Variants in GALNT13 observed in about 807,000 individuals in gnomAD.
GALNT13 encodes the protein polypeptide N-acetylgalactosaminyltransferase 13.
A neutral mutation model predicts 64.2 loss-of-function variants in GALNT13; 28 were observed. That is an observed-to-expected ratio of 0.44 (90% CI 0.32 to 0.60). The LOEUF (loss-of-function observed/expected upper bound fraction) is 0.60, where lower values mean the gene tolerates loss of function less well. Ranked by LOEUF, GALNT13 falls within the 20% of genes least tolerant of loss-of-function variation. The pLI is 0.05. For missense variants in GALNT13, 577 were observed against 669.8 expected (o/e 0.86, Z 1.53); for synonymous variants, 214 against 224.6 (o/e 0.95, Z 0.42).
At chr2:153,112,651 T>G in the GALNT13 span, among the ~76,000 whole-genome samples, 1 of 152,102 alleles carries the variant, frequency 6.6e-6, no homozygotes, top group African/African-American at 2.4e-5. Context: ...ACCAGAATTT[T>G]GAAAATTAAA....
chr2:153,257,053 C>G, the GALNT13 span, among the ~76,000 whole-genome samples: 4 of 152,226 alleles, frequency 2.6e-5, no homozygotes, highest in Non-Finnish European at 4.4e-5. Flanking sequence ...CCGCCAGCCT[C>G]GCTGCCGCCT....
rs577806251 is a variant in GALNT13, at chr2:153,982,033, T to G, written c.142+37394T>G. Among the ~76,000 whole-genome samples the G allele has an allele frequency of 1.1e-3, 172 of 152,224 alleles. 1 individual carries two copies. The highest frequency in any genetic ancestry group is 1.9e-3 in the Non-Finnish European group (127 of 68,010). ...TACCACACAAAGAATGCCCCTCTGC[T>G]AGAAACTGAAAGGTAATTTCAGCTT... On this transcript the variant is annotated intron_variant, in intron 3 of 12. Transcript: ENST00000392825.
chr2:153,780,214 G>GATAGAT, the GALNT13 span, among the ~76,000 whole-genome samples: 1 of 128,034 alleles, frequency 7.8e-6, no homozygotes, highest in African/African-American at 3.2e-5. Context: ...AGAATTTGAA[G>GATAGAT]ATATATATAT....
At chr2:154,253,641 T>A (rs573808502) in intron 7 of GALNT13, among the ~76,000 whole-genome samples, 1 of 152,048 alleles carries the variant, frequency 6.6e-6, no homozygotes, top group African/African-American at 2.4e-5. Flanking sequence ...AATAAATAAA[T>A]AAAATACTAT....
chr2:153,183,182 A>C, the GALNT13 span, among the ~76,000 whole-genome samples: 1 of 152,314 alleles, frequency 6.6e-6, no homozygotes, highest in African/African-American at 2.4e-5. Flanking sequence ...GACTGGCATG[A>C]GATGGTATCT....
chr2:153,893,405 G>A (rs1441326876), intron 1 of GALNT13, among the ~76,000 whole-genome samples: 2 of 151,594 alleles, frequency 1.3e-5, no homozygotes, highest in Non-Finnish European at 2.9e-5. Flanking sequence ...TATTTTTTTG[G>A]ATTATAACAT....
the GALNT13 span, among the ~76,000 whole-genome samples, chr2:153,375,246 CT>C: frequency 6.6e-6 from 1 of 152,168 alleles, no homozygotes; most frequent in African/African-American, 2.4e-5. Flanking sequence ...TTTTCCTACA[CT>C]TTTTTATGGC....
the GALNT13 span, among the ~76,000 whole-genome samples, chr2:153,655,284 A>G: frequency 5.9e-5 from 9 of 152,094 alleles, no homozygotes; most frequent in African/African-American, 2.2e-4. Context: ...GAATGTAACA[A>G]TGCTATCAAG....
chr2:153,577,902 TTATA>T, the GALNT13 span, among the ~76,000 whole-genome samples: 1 of 149,008 alleles, frequency 6.7e-6, no homozygotes, highest in South Asian at 2.1e-4. Context: ...GTTTGTGTCT[TTATA>T]TATATATATA....
At chr2:154,099,027 C>T (rs1702215288) in intron 3 of GALNT13, among the ~76,000 whole-genome samples, 1 of 152,090 alleles carries the variant, frequency 6.6e-6, no homozygotes, top group Non-Finnish European at 1.5e-5. Flanking sequence ...TGCCAATTTA[C>T]ATTCCCACCT....
rs12990846 is a variant in GALNT13, at chr2:154,272,391, C to T, written c.975+13253C>T. Among the ~76,000 whole-genome samples, 4 of 151,994 alleles carry T rather than the reference C, an allele frequency of 2.6e-5. No homozygotes were observed. In the East Asian group the frequency reaches 7.7e-4, roughly 29 times the overall value. ...AGTGAATTTCAGTACATTAAGTAAC[C>T]AACACTCTTATTAGAGACCAATGTC... On this transcript the variant is annotated intron_variant, in intron 8 of 12. Coordinates refer to ENST00000392825, the MANE Select transcript of GALNT13 (RefSeq NM_052917.4).
At chr2:153,664,353 G>C in the GALNT13 span, among the ~76,000 whole-genome samples, 7 of 152,150 alleles carry the variant, frequency 4.6e-5, no homozygotes, top group African/African-American at 7.2e-5. Flanking sequence ...AGAGAAATAT[G>C]ACTTTGTTCT....
chr2:154,430,279 A>G (rs1446935760), intron 11 of GALNT13, among the ~76,000 whole-genome samples: 2 of 152,170 alleles, frequency 1.3e-5, no homozygotes, highest in African/African-American at 4.8e-5. Context: ...AACATTTGTG[A>G]TTCATGGGAG....
intron 8 of GALNT13, among the ~76,000 whole-genome samples, chr2:154,272,760 C>A (rs1691423584): frequency 6.6e-6 from 1 of 152,060 alleles, no homozygotes; most frequent in Non-Finnish European, 1.5e-5. Flanking sequence ...CTGAAATATT[C>A]TAATAAAGAA....
chr2:153,408,323 G>C, the GALNT13 span, among the ~76,000 whole-genome samples: 7 of 152,042 alleles, frequency 4.6e-5, no homozygotes, highest in East Asian at 1.4e-3. Flanking sequence ...GACAAGATGA[G>C]ATACATCTGC....
the GALNT13 span, among the ~76,000 whole-genome samples, chr2:153,718,557 A>T: frequency 1.3e-5 from 2 of 152,034 alleles, no homozygotes; most frequent in Admixed American, 6.6e-5. Flanking sequence ...TAGAGGTGAA[A>T]TTTGCAGCTG....
At chr2:153,776,076 A>C in the GALNT13 span, among the ~76,000 whole-genome samples, 1 of 152,182 alleles carries the variant, frequency 6.6e-6, no homozygotes, top group Non-Finnish European at 1.5e-5. Flanking sequence ...TACTATAATA[A>C]ACAATAAGAA....
At position 154,071,946 on chromosome 2, in the gene GALNT13, A is replaced by G. The variant is rs142709814; in HGVS notation, c.143-68391A>G. 6.6e-5 allele frequency among the ~76,000 whole-genome samples: 10 copies of G among 152,188 alleles called. No individual in the cohort carries two copies. The East Asian group carries it at 1.9e-3, about 29-fold the overall frequency. On this transcript the variant is annotated intron_variant, in intron 3 of 12. Transcript: ENST00000392825. The stretch of plus-strand genomic sequence containing the variant: ...ATGTGCCTTACAATGAGAAAATATG[A>G]GTGTTAGACAAGCTTTGTTTAGCGT...
chr2:154,183,290 G>C (rs1233725788), intron 4 of GALNT13, among the ~76,000 whole-genome samples: 1 of 152,084 alleles, frequency 6.6e-6, no homozygotes, highest in Admixed American at 6.6e-5. Flanking sequence ...CTTTCTGCTA[G>C]GTTATCCAAT....
Sources: allele counts gnomAD v4.1 joint callset (sites outside exome capture counted in the v4.1 genomes callset), GRCh38; gene constraint gnomAD v4.1.1; transcripts MANE v1.5; gene names NCBI Gene and HGNC (gene_info 2026-07-23, HGNC 2026-07-21).